The following CRPPA variants were observed in gnomAD, a reference collection of about 807,000 sequenced individuals.
CRPPA encodes D-ribitol-5-phosphate cytidylyltransferase.
CRPPA carries 43 observed loss-of-function variants against 52.0 expected under a neutral mutation model. That is an observed-to-expected ratio of 0.83 (90% CI 0.65 to 1.07). The LOEUF (loss-of-function observed/expected upper bound fraction) is 1.07, where lower values mean the gene tolerates loss of function less well. Among genes scored for constraint, CRPPA ranks in the 50% least tolerant of loss-of-function variants. The pLI is 0.00. For synonymous variants in CRPPA, 250 were observed against 203.5 expected, an observed-to-expected ratio of 1.23 and a Z score of -1.94; for missense variants, 629 against 551.7, an observed-to-expected ratio of 1.14 and a Z score of -1.40.
chr7:16,263,717 A>G (rs1334906450), intron 6 of CRPPA, among the ~76,000 whole-genome samples: 1 of 151,904 alleles, frequency 6.6e-6, no homozygotes. Context: ...GTGCCACTGC[A>G]CTCCAGCCTT....
chr7:16,275,264 G>T (rs1188062533), intron 6 of CRPPA, among the ~76,000 whole-genome samples: 2 of 152,182 alleles, frequency 1.3e-5, no homozygotes, highest in African/African-American at 4.8e-5. Flanking sequence ...ACTAGGAGAA[G>T]CCTTTGTAGG....
At chr7:16,327,599 CAAAAAAAAAAAAAAAAA>C (rs71007762) in intron 3 of CRPPA, among the ~76,000 whole-genome samples, 1 of 70,086 alleles carries the variant, frequency 1.4e-5, no homozygotes, top group African/African-American at 5.9e-5. Context: ...GACTCCGTCT[CAAAAAAAAAAAAAAAAA>C]AAAAAAAAAA....
intron 8 of CRPPA, among the ~76,000 whole-genome samples, chr7:16,227,513 G>C (rs915147429): frequency 6.6e-6 from 1 of 151,512 alleles, no homozygotes; most frequent in South Asian, 2.1e-4. Context: ...TATACCTATT[G>C]GCCATCTATT....
chr7:16,420,175 G>A (rs936919238), intron 1 of CRPPA, among the ~76,000 whole-genome samples: 1 of 152,154 alleles, frequency 6.6e-6, no homozygotes, highest in Admixed American at 6.5e-5. Context: ...GTATGCTAAA[G>A]GATGACATCT....
intron 1 of CRPPA, among the ~76,000 whole-genome samples, chr7:16,419,703 C>T (rs1323894938): frequency 6.6e-6 from 1 of 152,030 alleles, no homozygotes; most frequent in Non-Finnish European, 1.5e-5. Context: ...TGCGATCCCA[C>T]CCAGAAACAG....
chr7:16,280,774 A>G (rs1784305129), intron 5 of CRPPA, among the ~76,000 whole-genome samples: 1 of 152,210 alleles, frequency 6.6e-6, no homozygotes, highest in African/African-American at 2.4e-5. Flanking sequence ...TAATCCCAGC[A>G]CTTTGGGAGG....
chr7:16,210,357 CCT>C (rs1229555714), intron 9 of CRPPA: 1 of 152,082 alleles, frequency 6.6e-6, no homozygotes, highest in African/African-American at 2.4e-5. Flanking sequence ...AGTCACCTCC[CCT>C]GAGTGTGGGT....
At chr7:16,308,694 A>C in intron 3 of CRPPA, 67 bp from the exon 4 acceptor site, 2 of 938,342 alleles carry the variant, frequency 2.1e-6, no homozygotes, top group Non-Finnish European at 3.4e-6. Context: ...CAAGCCTTTT[A>C]TTTCATAATC....
chr7:16,335,872 G>A (rs895382065), intron 3 of CRPPA, among the ~76,000 whole-genome samples: 4 of 152,098 alleles, frequency 2.6e-5, no homozygotes, highest in Non-Finnish European at 5.9e-5. Context: ...GCAGTGGGCG[G>A]GTAAGAAACG....
chr7:16,348,670 T>C (rs12666868), intron 3 of CRPPA, among the ~76,000 whole-genome samples: 16,438 of 152,258 alleles, frequency 0.11, 1,114 homozygotes, highest in East Asian at 0.36. Context: ...CACTCTTTCA[T>C]TGGTTAATTA....
chr7:16,259,597 T>A (rs1783740451), intron 6 of CRPPA, among the ~76,000 whole-genome samples: 2 of 151,994 alleles, frequency 1.3e-5, no homozygotes, highest in South Asian at 4.1e-4. Context: ...TTATGCAAAC[T>A]TTCCTAGTAA....
At chr7:16,128,648 A>G (rs6943936) in intron 9 of CRPPA, among the ~76,000 whole-genome samples, 76,956 of 151,964 alleles carry the variant, frequency 0.51, 19,885 homozygotes, top group East Asian at 0.76. Context: ...GTAGAAAGGC[A>G]GTGGGTGACA....
intron 9 of CRPPA, among the ~76,000 whole-genome samples, chr7:16,134,469 G>T (rs1162086276): frequency 6.6e-6 from 1 of 152,092 alleles, no homozygotes; most frequent in Non-Finnish European, 1.5e-5. Flanking sequence ...TGACAAAAAG[G>T]TTGGGGATTG....
At chr7:16,343,803 C>T (rs546042172) in intron 3 of CRPPA, among the ~76,000 whole-genome samples, 1 of 152,288 alleles carries the variant, frequency 6.6e-6, no homozygotes, top group African/African-American at 2.4e-5. Flanking sequence ...AAGCCATATG[C>T]TCTCACCTCT....
Position 16,286,097 on chromosome 7 carries a change from A to AAAAAAAATATATATATATATAT in CRPPA, c.836-7872_836-7871insATATATATATATATATTTTTTT. ...TATATATATAATATTTAAAAAAAAA[A>AAAAAAAATATATATATATATAT]ATATATATATATATATATATGCCAA... On this transcript the variant is annotated intron_variant, in intron 5 of 9. Coordinates refer to ENST00000407010, the MANE Select transcript of CRPPA (RefSeq NM_001101426.4). Among the ~76,000 whole-genome samples the AAAAAAAATATATATATATATAT allele has an allele frequency of 4.6e-4, 18 of 39,116 alleles. 1 individual carries two copies. The highest frequency in any genetic ancestry group is 2.3e-3 in the Admixed American group (7 of 3,052). 25.7% of individuals were successfully genotyped at this position (39,116 alleles called of 152,430 possible).
intron 2 of CRPPA, among the ~76,000 whole-genome samples, chr7:16,397,646 A>G (rs1583576936): frequency 6.6e-6 from 1 of 152,126 alleles, no homozygotes; most frequent in East Asian, 1.9e-4. Context: ...CACGTGACAC[A>G]TGACTGACAT....
At chr7:16,378,480 T>C (rs887865954) in intron 2 of CRPPA, among the ~76,000 whole-genome samples, 8 of 152,108 alleles carry the variant, frequency 5.3e-5, no homozygotes, top group African/African-American at 1.9e-4. Flanking sequence ...ATGGTGTATA[T>C]GTGCCACATT....
At chr7:16,341,346 A>G (rs1262853250) in intron 3 of CRPPA, among the ~76,000 whole-genome samples, 1 of 152,066 alleles carries the variant, frequency 6.6e-6, no homozygotes, top group Non-Finnish European at 1.5e-5. Flanking sequence ...GGCTATGCAC[A>G]CCTAGAGGGA....
At chr7:16,392,740 A>G (rs1380096729) in intron 2 of CRPPA, among the ~76,000 whole-genome samples, 1 of 152,100 alleles carries the variant, frequency 6.6e-6, no homozygotes, top group Non-Finnish European at 1.5e-5. Flanking sequence ...TCAATACTAT[A>G]TTCACTCATT....
Sources: allele counts gnomAD v4.1 joint callset (sites outside exome capture counted in the v4.1 genomes callset), GRCh38; gene constraint gnomAD v4.1.1; transcripts MANE v1.5; gene names NCBI Gene and HGNC (gene_info 2026-07-23, HGNC 2026-07-21).